LRMDA: variants seen among roughly 807,000 people sequenced by gnomAD.
LRMDA encodes leucine-rich melanocyte differentiation-associated protein.
Under a neutral mutation model 29.8 loss-of-function variants are expected in LRMDA, and 18 were observed. The observed-to-expected ratio is 0.60, with a 90% CI of 0.42 to 0.90. The LOEUF (loss-of-function observed/expected upper bound fraction) is 0.90. Among genes scored for constraint, LRMDA ranks in the 40% least tolerant of loss-of-function variants. LRMDA has a pLI of 0.00. For synonymous variants in LRMDA, 125 were observed against 109.4 expected (o/e 1.14, Z -0.89); for missense variants, 273 against 273.9 (o/e 1.00, Z 0.02).
At position 75,589,310 on chromosome 10, in the gene LRMDA, G is replaced by T. The variant is rs150032722; in HGVS notation, c.131+150816G>T. ...ATTTGGGCCAATATGATAGGTAAAA[G>T]AATGTTTTCTTAGTGTTTAATTTGC... On this transcript the variant is annotated intron_variant, in intron 2 of 6. Coordinates refer to ENST00000611255, the MANE Select transcript of LRMDA (RefSeq NM_001305581.2). Among the ~76,000 whole-genome samples, 976 of 152,280 alleles carry T rather than the reference G, an allele frequency of 6.4e-3. 14 individuals are homozygous for T. Among genetic ancestry groups the T allele is most frequent in the African/African-American group, 0.022 (910 of 41,556 alleles).
At chr10:75,649,015 A>ATT (rs560140045) in intron 2 of LRMDA, among the ~76,000 whole-genome samples, 188 of 152,348 alleles carry the variant, frequency 1.2e-3, no homozygotes, top group African/African-American at 4.3e-3. Flanking sequence ...GTTCAGTGGC[A>ATT]TTAAGTACCT....
intron 2 of LRMDA, among the ~76,000 whole-genome samples, chr10:76,027,496 G>A (rs1192599220): frequency 6.6e-6 from 1 of 152,118 alleles, no homozygotes; most frequent in African/African-American, 2.4e-5. Flanking sequence ...ATGTATCTGG[G>A]AGATATAGAT....
At chr10:75,692,799 G>A in intron 2 of LRMDA, among the ~76,000 whole-genome samples, 1 of 152,178 alleles carries the variant, frequency 6.6e-6, no homozygotes, top group African/African-American at 2.4e-5. Context: ...AGGGGAGAAT[G>A]GCAGAGGAGT....
At chr10:76,248,228 A>G (rs973922403) in intron 5 of LRMDA, among the ~76,000 whole-genome samples, 3 of 152,176 alleles carry the variant, frequency 2.0e-5, no homozygotes, top group Non-Finnish European at 4.4e-5. Flanking sequence ...GATATAGGCT[A>G]GGGATGCTGC....
chr10:76,401,170 T>C (rs1053670872), intron 6 of LRMDA, among the ~76,000 whole-genome samples: 3 of 152,176 alleles, frequency 2.0e-5, no homozygotes, highest in Admixed American at 6.5e-5. Context: ...AATGACTTAA[T>C]GGATGGTATG....
chr10:75,622,373 G>GGT (rs145460627), intron 2 of LRMDA, among the ~76,000 whole-genome samples: 1,544 of 151,958 alleles, frequency 0.01, 28 homozygotes, highest in African/African-American at 0.034. Context: ...TGCACAAAAT[G>GGT]GTGTGTGTGT....
chr10:75,834,931 T>G (rs1157239736), intron 2 of LRMDA, among the ~76,000 whole-genome samples: 1 of 152,252 alleles, frequency 6.6e-6, no homozygotes, highest in Admixed American at 6.5e-5. Context: ...TTCAAGCCCA[T>G]GTAAGCTTCT....
At chr10:76,387,631 G>T (rs939769019) in intron 6 of LRMDA, among the ~76,000 whole-genome samples, 2 of 151,632 alleles carry the variant, frequency 1.3e-5, no homozygotes, top group African/African-American at 4.8e-5. Context: ...ATATTCAGAT[G>T]ATCATATATT....
At chr10:75,535,742 A>G (rs1197318187) in intron 2 of LRMDA, among the ~76,000 whole-genome samples, 1 of 152,182 alleles carries the variant, frequency 6.6e-6, no homozygotes, top group East Asian at 1.9e-4. Context: ...GCCATTTTGG[A>G]TAAAGTTGAA....
At chr10:76,429,068 C>G (rs1474658860) in intron 6 of LRMDA, among the ~76,000 whole-genome samples, 4 of 144,922 alleles carry the variant, frequency 2.8e-5, no homozygotes, top group African/African-American at 5.1e-5. Flanking sequence ...ATTCCCCACA[C>G]TGGCATGCCA....
chr10:75,692,517 A>G (rs2132162636), intron 2 of LRMDA, among the ~76,000 whole-genome samples: 1 of 151,324 alleles, frequency 6.6e-6, no homozygotes, highest in East Asian at 2.0e-4. Flanking sequence ...ACATGTGTGT[A>G]TACACATATG....
At chr10:76,009,057 T>G (rs1847725444) in intron 2 of LRMDA, among the ~76,000 whole-genome samples, 1 of 152,226 alleles carries the variant, frequency 6.6e-6, no homozygotes, top group South Asian at 2.1e-4. Flanking sequence ...GGGGTAGGGA[T>G]GGCAGCAGGT....
chr10:75,513,791 G>A (rs1845256355), intron 2 of LRMDA, among the ~76,000 whole-genome samples: 1 of 152,074 alleles, frequency 6.6e-6, no homozygotes, highest in South Asian at 2.1e-4. Context: ...ATTACACTAG[G>A]CCCACCTGGG....
intron 2 of LRMDA, among the ~76,000 whole-genome samples, chr10:75,650,200 T>C (rs1589146411): frequency 1.3e-5 from 2 of 152,346 alleles, no homozygotes; most frequent in South Asian, 2.1e-4. Context: ...CCAAATCCAG[T>C]GTCATGAAGC....
intron 2 of LRMDA, among the ~76,000 whole-genome samples, chr10:75,520,534 A>T (rs1390850189): frequency 6.6e-6 from 1 of 152,160 alleles, no homozygotes; most frequent in East Asian, 1.9e-4. Context: ...CCATCAGGTC[A>T]TTTAAGTTCT....
At chr10:76,424,123 G>A (rs374129571) in intron 6 of LRMDA, among the ~76,000 whole-genome samples, 2 of 152,206 alleles carry the variant, frequency 1.3e-5, no homozygotes, top group East Asian at 3.9e-4. Flanking sequence ...CAATGGCTGT[G>A]GATATTGAAC....
intron 2 of LRMDA, among the ~76,000 whole-genome samples, chr10:75,683,935 C>T (rs1274553034): frequency 6.6e-6 from 1 of 152,176 alleles, no homozygotes; most frequent in Admixed American, 6.5e-5. Context: ...TGGAATGCTG[C>T]CTCCTGCCCC....
rs565337180 is a variant in LRMDA, at chr10:75,438,898, C to T, written c.131+404C>T. ...TGCTTTCTTAGGATAAACACATGTCCCAAAACATTCGTCGAGTCACAGGTA... is the reference window on the plus strand; with the variant it reads ...TGCTTTCTTAGGATAAACACATGTCTCAAAACATTCGTCGAGTCACAGGTA... On this transcript the variant is annotated intron_variant, in intron 2 of 6. Coordinates refer to ENST00000611255, the MANE Select transcript of LRMDA (RefSeq NM_001305581.2). 7.8e-4 allele frequency among the ~76,000 whole-genome samples: 118 copies of T among 152,128 alleles called. 1 individual carries two copies. Among genetic ancestry groups the T allele is most frequent in the Admixed American group, 2.2e-3 (34 of 15,276 alleles).
In LRMDA at chr10:76,169,889, C is replaced by A. The variant is rs560666664; in HGVS notation, c.516+111106C>A. Among the ~76,000 whole-genome samples the A allele has an allele frequency of 2.6e-5, 4 of 152,256 alleles. No individual in the cohort carries two copies. The Middle Eastern group carries it at 0.01, about 388-fold the overall frequency. On this transcript the variant is annotated intron_variant, in intron 5 of 6. Transcript: ENST00000611255. ...AGGACAGCTGTTTACTGTGAGGCTG[C>A]CCCATGCATTCTAAGAGGTTTACCT...
Sources: allele counts gnomAD v4.1 joint callset (sites outside exome capture counted in the v4.1 genomes callset), GRCh38; gene constraint gnomAD v4.1.1; transcripts MANE v1.5; gene names NCBI Gene and HGNC (gene_info 2026-07-23, HGNC 2026-07-21).